XRCC4: variants seen among roughly 807,000 people sequenced by gnomAD.
XRCC4 encodes DNA repair protein XRCC4.
XRCC4 carries 28 observed loss-of-function variants against 39.1 expected under a neutral mutation model. The ratio of observed to expected loss-of-function variants is 0.72; its 90% CI spans 0.53 to 0.98. The LOEUF is 0.98. Ranked by LOEUF, XRCC4 falls within the 50% of genes least tolerant of loss-of-function variation. The pLI is 0.00. For missense variants in XRCC4, 350 were observed against 376.4 expected, an observed-to-expected ratio of 0.93 and a Z score of 0.58; for synonymous variants, 123 against 126.4, an observed-to-expected ratio of 0.97 and a Z score of 0.18.
At chr5:83,217,128 C>A (rs1356244743) in intron 6 of XRCC4, among the ~76,000 whole-genome samples, 3 of 151,832 alleles carry the variant, frequency 2.0e-5, no homozygotes, top group African/African-American at 7.3e-5. Context: ...ACAAGGCGGG[C>A]AGATCACCTG....
At chr5:83,104,852 A>C (rs1246567694) in intron 1 of XRCC4, 58 bp from the exon 2 acceptor site, 1 of 1,548,302 alleles carries the variant, frequency 6.5e-7, no homozygotes, top group African/African-American at 1.4e-5. Flanking sequence ...CCAGTACAGA[A>C]AACATTATTT....
At chr5:83,271,151 T>C (rs1293324241) in intron 7 of XRCC4, among the ~76,000 whole-genome samples, 1 of 152,218 alleles carries the variant, frequency 6.6e-6, no homozygotes, top group Non-Finnish European at 1.5e-5. Context: ...ACATTTATAT[T>C]ATTTTACTTA....
intron 4 of XRCC4, chr5:83,201,848 T>G (rs1203401215): frequency 6.6e-6 from 1 of 151,972 alleles, no homozygotes; most frequent in Non-Finnish European, 1.5e-5. Context: ...TCGAGACCAG[T>G]CTGACCAACA....
intron 3 of XRCC4, among the ~76,000 whole-genome samples, chr5:83,177,665 T>G (rs1750020913): frequency 1.3e-5 from 2 of 152,184 alleles, no homozygotes; most frequent in South Asian, 4.1e-4. Flanking sequence ...GCAAATAGAT[T>G]TGTTCAGTGG....
At chr5:83,109,367 T>G (rs1013227492) in intron 2 of XRCC4, among the ~76,000 whole-genome samples, 3 of 151,970 alleles carry the variant, frequency 2.0e-5, no homozygotes, top group African/African-American at 7.2e-5. Flanking sequence ...TTCATCACCC[T>G]AGACCATTAC....
chr5:83,105,623 A>G (rs1746162245), intron 2 of XRCC4, among the ~76,000 whole-genome samples: 2 of 152,162 alleles, frequency 1.3e-5, no homozygotes, highest in Admixed American at 1.3e-4. Flanking sequence ...TAAAAATGCT[A>G]ATGACCCTCA....
intron 6 of XRCC4, among the ~76,000 whole-genome samples, chr5:83,247,593 A>G (rs1168799142): frequency 6.6e-6 from 1 of 152,226 alleles, no homozygotes; most frequent in Admixed American, 6.5e-5. Flanking sequence ...TATGTCATCC[A>G]CAGAAGATCA....
intron 3 of XRCC4, among the ~76,000 whole-genome samples, chr5:83,188,424 A>C (rs149857870): frequency 2.6e-4 from 40 of 152,300 alleles, no homozygotes; most frequent in Non-Finnish European, 4.6e-4. Flanking sequence ...GGATGAAATT[A>C]ATATTCAAAT....
intron 7 of XRCC4, among the ~76,000 whole-genome samples, chr5:83,348,248 C>T (rs879655126): frequency 2.0e-5 from 3 of 152,172 alleles, no homozygotes; most frequent in Non-Finnish European, 2.9e-5. Context: ...TTTGAGGGCT[C>T]CAACCACACA....
intron 7 of XRCC4, among the ~76,000 whole-genome samples, chr5:83,320,390 TAA>T (rs774115795): frequency 7.2e-6 from 1 of 137,964 alleles, no homozygotes. Flanking sequence ...AATAAAAAAA[TAA>T]AAAAAAAAAG....
the XRCC4 span, among the ~76,000 whole-genome samples, chr5:83,361,105 C>T: frequency 6.6e-6 from 1 of 152,124 alleles, no homozygotes; most frequent in East Asian, 1.9e-4. Context: ...TTTCTCTGAA[C>T]TTGAGTTTTC....
At chr5:83,179,694 C>T (rs1049034167) in intron 3 of XRCC4, among the ~76,000 whole-genome samples, 3 of 152,154 alleles carry the variant, frequency 2.0e-5, no homozygotes, top group Non-Finnish European at 2.9e-5. Context: ...TGGATAGGCT[C>T]AACCCATCAT....
At chr5:83,110,627 C>T (rs1746397717) in intron 2 of XRCC4, among the ~76,000 whole-genome samples, 1 of 151,984 alleles carries the variant, frequency 6.6e-6, no homozygotes, top group African/African-American at 2.4e-5. Context: ...GAGTGAGAAA[C>T]ACAGTATAGG....
intron 3 of XRCC4, among the ~76,000 whole-genome samples, chr5:83,180,098 A>G (rs1409385104): frequency 6.6e-6 from 1 of 152,218 alleles, no homozygotes; most frequent in African/African-American, 2.4e-5. Context: ...TCATTTCTTC[A>G]GTAGCTAGTG....
intron 1 of XRCC4, among the ~76,000 whole-genome samples, chr5:83,092,473 T>C (rs1561319305): frequency 7.0e-6 from 1 of 143,500 alleles, no homozygotes; most frequent in African/African-American, 2.7e-5. Context: ...GTGGTATAAG[T>C]AATACTGATC....
At chr5:83,167,030 C>T (rs148123833) in intron 3 of XRCC4, among the ~76,000 whole-genome samples, 2,264 of 151,794 alleles carry the variant, frequency 0.015, 74 homozygotes, top group African/African-American at 0.052. Context: ...TACAGGCACA[C>T]ACCACCATGC....
intron 6 of XRCC4, among the ~76,000 whole-genome samples, chr5:83,222,976 G>C (rs1301839694): frequency 6.6e-6 from 1 of 152,130 alleles, no homozygotes; most frequent in Non-Finnish European, 1.5e-5. Flanking sequence ...TTGAGTTCCT[G>C]AGTTCAAGCA....
At chr5:83,325,441 C>T (rs1756224844) in intron 7 of XRCC4, among the ~76,000 whole-genome samples, 1 of 151,922 alleles carries the variant, frequency 6.6e-6, no homozygotes, top group African/African-American at 2.4e-5. Flanking sequence ...ATTAGTTATT[C>T]TTCCTGATGC....
At chr5:83,262,332 G>A (rs576661532) in intron 7 of XRCC4, among the ~76,000 whole-genome samples, 9 of 152,230 alleles carry the variant, frequency 5.9e-5, no homozygotes, top group East Asian at 1.9e-4. Context: ...TGTGCAGAGC[G>A]AAGGGAGTAC....
Sources: gnomAD v4.1 joint callset for allele counts (sites outside exome capture counted in the v4.1 genomes callset) on GRCh38, gnomAD v4.1.1 for gene constraint, MANE v1.5 for transcripts, NCBI Gene and HGNC (gene_info 2026-07-23, HGNC 2026-07-21) for gene names.